Variants in GALNT3 observed in about 807,000 individuals in gnomAD.
The protein encoded by GALNT3 is GalNAc transferase 3.
GALNT3 carries 51 observed loss-of-function variants against 69.8 expected under a neutral mutation model. That is an observed-to-expected ratio of 0.73 (90% CI 0.58 to 0.92). The LOEUF (loss-of-function observed/expected upper bound fraction) is 0.92, where lower values mean the gene tolerates loss of function less well. Ranked by LOEUF, GALNT3 falls within the 40% of genes least tolerant of loss-of-function variation. The pLI is 0.00. For missense variants in GALNT3, 711 were observed against 760.0 expected, an observed-to-expected ratio of 0.94 and a Z score of 0.76; for synonymous variants, 265 against 248.5, an observed-to-expected ratio of 1.07 and a Z score of -0.63.
chr2:165,765,582 C>G (rs1688624272), intron 2 of GALNT3, among the ~76,000 whole-genome samples: 1 of 151,958 alleles, frequency 6.6e-6, no homozygotes, highest in Non-Finnish European at 1.5e-5. Flanking sequence ...CTTCACCTCC[C>G]AGGTTCACGC....
intron 4 of GALNT3, among the ~76,000 whole-genome samples, chr2:165,759,856 G>A (rs1478899316): frequency 1.3e-5 from 2 of 152,122 alleles, no homozygotes; most frequent in African/African-American, 4.8e-5. Context: ...TATGGAGCGG[G>A]TGGTAAGAAC....
chr2:165,750,032 A>T, intron 9 of GALNT3, 138 bp from the exon 10 acceptor site: 1 of 830,630 alleles, frequency 1.2e-6, no homozygotes, highest in Non-Finnish European at 2.0e-6. Flanking sequence ...TAGTTATTAG[A>T]AACATAAGCT....
At chr2:165,776,538 TA>T (rs1312378101) in intron 1 of GALNT3, among the ~76,000 whole-genome samples, 2 of 149,124 alleles carry the variant, frequency 1.3e-5, no homozygotes, top group Admixed American at 1.3e-4. Context: ...TTTTAAAAAC[TA>T]AAAAAAAAGA....
intron 1 of GALNT3, among the ~76,000 whole-genome samples, chr2:165,782,236 C>G (rs1427806489): frequency 6.6e-6 from 1 of 152,126 alleles, no homozygotes; most frequent in Non-Finnish European, 1.5e-5. Context: ...GCCTTCTACT[C>G]AGCTCTCCTA....
chr2:165,775,045 G>C (rs1688821840), intron 1 of GALNT3, among the ~76,000 whole-genome samples: 1 of 150,202 alleles, frequency 6.7e-6, no homozygotes, highest in African/African-American at 2.5e-5. Flanking sequence ...ATGAGCTACT[G>C]CGCCTAGCCT....
intron 6 of GALNT3, among the ~76,000 whole-genome samples, chr2:165,757,592 T>A (rs1688469062): frequency 6.6e-6 from 1 of 152,202 alleles, no homozygotes. Context: ...GCATTTGACT[T>A]CTGTCTGAAC....
intron 4 of GALNT3, among the ~76,000 whole-genome samples, chr2:165,760,271 G>A (rs1688521690): frequency 6.6e-6 from 1 of 152,192 alleles, no homozygotes; most frequent in Non-Finnish European, 1.5e-5. Context: ...TAAGGAGTCA[G>A]TATAAATTCC....
intron 3 of GALNT3, among the ~76,000 whole-genome samples, chr2:165,763,009 C>T (rs1489107003): frequency 1.0e-4 from 15 of 150,610 alleles, no homozygotes. Flanking sequence ...TCATGTTGCC[C>T]AGGCTGGTCT....
intron 1 of GALNT3, among the ~76,000 whole-genome samples, chr2:165,786,507 C>T (rs1226999252): frequency 1.3e-5 from 2 of 152,180 alleles, no homozygotes; most frequent in African/African-American, 2.4e-5. Context: ...TTAACCTATG[C>T]ACATCATCCC....
In GALNT3 at chr2:165,748,446, AGT is replaced by A. The variant is rs1445834691; in HGVS notation, c.*333_*334del. 6.9e-6 allele frequency: 2 copies of A among 291,042 alleles called. No homozygotes were observed. The highest frequency in any genetic ancestry group is 6.5e-6 in the Non-Finnish European group (1 of 153,668). The allele number at this position is 291,042 out of a possible 1,614,324, so 18.0% of individuals were successfully genotyped here. ...ACTAGGGGAAATATTTTAAATTGTGAGTGTGTGAATGTAGCTATATATATATA... is the reference window on the plus strand; with the variant it reads ...ACTAGGGGAAATATTTTAAATTGTGAGTGTGAATGTAGCTATATATATATA... On this transcript the variant is annotated 3_prime_UTR_variant, in exon 11 of 11. Transcript: ENST00000392701.
rs377605951 is a variant in GALNT3 at position 165,748,862 on chromosome 2, T to A, written c.1821A>T (p.Ser607=). Residue 607 remains serine (S), a synonymous_variant, in exon 11 of 11, where the codon TCA becomes TCT. Transcript: ENST00000392701. ...LYNPFLKMCL[S]ANGEHPSLVS... ...CTAAACTTGGATGCTCTCCATTTGC[T>A]GAAAGGCACATTTTTAAGAATGGAT... 1.2e-6 allele frequency: 2 copies of A among 1,611,358 alleles called. No homozygotes were observed. Among genetic ancestry groups the A allele is most frequent in the Non-Finnish European group, 1.7e-6 (2 of 1,178,154 alleles).
At chr2:165,790,400 G>A (rs1025310443) in intron 1 of GALNT3, among the ~76,000 whole-genome samples, 2 of 152,076 alleles carry the variant, frequency 1.3e-5, no homozygotes, top group Non-Finnish European at 2.9e-5. Flanking sequence ...TAGTGTACAT[G>A]AGTTGTGTTA....
intron 1 of GALNT3, among the ~76,000 whole-genome samples, chr2:165,792,002 A>G (rs1574022308): frequency 6.6e-6 from 1 of 152,316 alleles, no homozygotes; most frequent in Admixed American, 6.5e-5. Flanking sequence ...GTAAGTGAGG[A>G]TGTGGGTGGT....
chr2:165,765,226 T>C (rs1401805816), intron 2 of GALNT3, among the ~76,000 whole-genome samples, 170 bp from the exon 3 acceptor site: 1 of 152,096 alleles, frequency 6.6e-6, no homozygotes, highest in East Asian at 1.9e-4. Context: ...ATCAAAACAA[T>C]TTTTTTACAA....
At position 165,751,002 on chromosome 2, in the gene GALNT3, T is replaced by G. The variant is rs1174743995; in HGVS notation, c.1627-1108A>C. Reference sequence around the variant, plus strand: ...GCACAAAATTACAATCTTTTCAAGGTTCCCATAGTACATCAGAGATAACTT... The same window carrying G: ...GCACAAAATTACAATCTTTTCAAGGGTCCCATAGTACATCAGAGATAACTT... On this transcript the variant is annotated intron_variant, in intron 9 of 10. Coordinates refer to ENST00000392701, the MANE Select transcript of GALNT3 (RefSeq NM_004482.4). 2.0e-5 allele frequency among the ~76,000 whole-genome samples: 3 copies of G among 152,252 alleles called. No homozygotes were observed. The East Asian group carries it at 5.8e-4, about 29-fold the overall frequency.
intron 1 of GALNT3, among the ~76,000 whole-genome samples, chr2:165,773,367 T>G (rs1688788126): frequency 6.6e-6 from 1 of 152,340 alleles, no homozygotes. Context: ...CTGCCATTAT[T>G]GTGAGGTCTC....
intron 1 of GALNT3, among the ~76,000 whole-genome samples, chr2:165,775,631 A>G (rs1204843582): frequency 1.3e-5 from 2 of 152,206 alleles, no homozygotes; most frequent in African/African-American, 4.8e-5. Context: ...CATCTCCATC[A>G]GCTGTCTTCA....
chr2:165,771,123 T>C (rs1250598966), intron 1 of GALNT3: 1 of 152,580 alleles, frequency 6.6e-6, no homozygotes, highest in African/African-American at 2.4e-5. Flanking sequence ...TAAAAAAGAA[T>C]ATCTTCACTT....
At chr2:165,784,239 C>A (rs1305509003) in intron 1 of GALNT3, among the ~76,000 whole-genome samples, 1 of 152,054 alleles carries the variant, frequency 6.6e-6, no homozygotes, top group Non-Finnish European at 1.5e-5. Flanking sequence ...ATATTTAATT[C>A]TTTAGGCAAA....
Sources: gnomAD v4.1 joint callset for allele counts (sites outside exome capture counted in the v4.1 genomes callset) on GRCh38, gnomAD v4.1.1 for gene constraint, MANE v1.5 for transcripts, NCBI Gene and HGNC (gene_info 2026-07-23, HGNC 2026-07-21) for gene names.